Variants in FGFR1 observed in about 807,000 individuals in gnomAD.
FGFR1 encodes fibroblast growth factor receptor 1, also known as FGFR1/PLAG1 fusion.
In FGFR1, 18 loss-of-function variants were observed where a neutral mutation model predicts 93.7. The observed-to-expected ratio is 0.19, with a 90% CI of 0.13 to 0.28. The LOEUF (loss-of-function observed/expected upper bound fraction) is 0.28, where lower values mean the gene tolerates loss of function less well. FGFR1 is among the 10% of genes least tolerant of loss of function. The probability of loss-of-function intolerance (pLI) is 1.00; values close to 1 mark genes in which losing one functional copy is unlikely to be tolerated. For synonymous variants in FGFR1, 448 were observed against 429.3 expected (o/e 1.04, Z -0.54); for missense variants, 731 against 1,080.4 (o/e 0.68, Z 4.53).
At chr8:38,454,971 T>C (rs1301065468) in intron 2 of FGFR1, among the ~76,000 whole-genome samples, 2 of 144,450 alleles carry the variant, frequency 1.4e-5, no homozygotes, top group Non-Finnish European at 3.0e-5. Flanking sequence ...TTTCTTTTCT[T>C]GCTTTTTTTT....
At chr8:38,461,697 G>T (rs908215621) in intron 1 of FGFR1, among the ~76,000 whole-genome samples, 1 of 152,072 alleles carries the variant, frequency 6.6e-6, no homozygotes, top group Non-Finnish European at 1.5e-5. Context: ...TCACTTAACC[G>T]TTCTAAGCCT....
intron 2 of FGFR1, among the ~76,000 whole-genome samples, chr8:38,448,788 C>G (rs1830190354): frequency 6.6e-6 from 1 of 152,026 alleles, no homozygotes; most frequent in African/African-American, 2.4e-5. Flanking sequence ...AAACCTGTCT[C>G]TACAAAAAAT....
At chr8:38,465,759 G>A (rs1455370156) in intron 1 of FGFR1, 1 of 218,386 alleles carries the variant, frequency 4.6e-6, no homozygotes, top group African/African-American at 2.2e-5. Flanking sequence ...GCCTCAGGGA[G>A]GAAACCGGGA....
chr8:38,448,729 T>C (rs949238440), intron 2 of FGFR1, among the ~76,000 whole-genome samples: 11 of 149,992 alleles, frequency 7.3e-5, no homozygotes, highest in Non-Finnish European at 1.0e-4. Flanking sequence ...CTGAGGCGGG[T>C]GGATCACTTG....
chr8:38,461,297 A>C (rs1834345886), intron 1 of FGFR1: 1 of 606,554 alleles, frequency 1.6e-6, no homozygotes, highest in Admixed American at 3.0e-5. Context: ...CTTGTCCAAA[A>C]ATTATGTAAG....
At chr8:38,436,861 C>T (rs939674285) in intron 2 of FGFR1, among the ~76,000 whole-genome samples, 1 of 152,226 alleles carries the variant, frequency 6.6e-6, no homozygotes, top group Non-Finnish European at 1.5e-5. Flanking sequence ...CAGGCTTGTA[C>T]TTCCAACAAG....
intron 2 of FGFR1, among the ~76,000 whole-genome samples, chr8:38,436,919 CCA>C (rs1489626173): frequency 1.3e-5 from 2 of 152,272 alleles, no homozygotes; most frequent in East Asian, 3.9e-4. Flanking sequence ...CAAAAATCTC[CCA>C]CAGTCATTTA....
chr8:38,417,201 C>G, intron 12 of FGFR1, 105 bp downstream of exon 12: 2 of 903,144 alleles, frequency 2.2e-6, no homozygotes, highest in Non-Finnish European at 3.7e-6. Context: ...AGCAGCCTCT[C>G]TTAACCCCCT....
chr8:38,444,556 A>ATTTTTTTTTTTTT (rs562700623), intron 2 of FGFR1, among the ~76,000 whole-genome samples: 1 of 129,206 alleles, frequency 7.7e-6, no homozygotes, highest in Non-Finnish European at 1.6e-5. Context: ...GCGTGGCTAA[A>ATTTTTTTTTTTTT]TTTTTTTTTT....
In FGFR1 at chr8:38,417,392, G is replaced by A. The variant is rs2150629924; in HGVS notation, c.1577C>T (p.Ser526Leu). The part of the protein sequence containing the change: ...LKSDATEKDL[S>L]DLISEMEMMK... ...CATCTCCATTTCTGAGATCAGGTCT[G>A]ACAAGTCTTTCTCTGTTGCGTCCGC... The change falls in exon 12 of 18, where the codon TCA becomes TTA. Residue 526 changes from serine (S) to leucine (L), a missense_variant. Ser to Leu is a moderately radical substitution (Grantham distance 145). Around this residue, in one of 10 missense-constraint regions of FGFR1, gnomAD observed 62 missense variants for 99.5 expected, o/e 0.62. Transcript: ENST00000447712. The A allele has an allele frequency of 6.2e-7, 1 of 1,614,026 alleles. No individual in the cohort carries two copies. The highest frequency in any genetic ancestry group is 8.5e-7 in the Non-Finnish European group (1 of 1,180,032).
At position 38,424,901 on chromosome 8, in the gene FGFR1, C is replaced by T. The variant is rs1193663350; in HGVS notation, c.746-202G>A. 2.0e-5 allele frequency among the ~76,000 whole-genome samples: 3 copies of T among 152,208 alleles called. No individual in the cohort carries two copies. The highest frequency in any genetic ancestry group is 4.8e-5 in the African/African-American group (2 of 41,434). Reference sequence around the variant, plus strand: ...CCCTAAGCCATCAGGATCCTCCTCCCCAAGGCAGTCATCATATTTACAGTC... The same window carrying T: ...CCCTAAGCCATCAGGATCCTCCTCCTCAAGGCAGTCATCATATTTACAGTC... On this transcript the variant is annotated intron_variant, in intron 6 of 17. Transcript: ENST00000447712. The surrounding 1 kb of genome is among the most constrained non-coding windows in gnomAD (Gnocchi z 4.3).
At chr8:38,440,120 T>C (rs1053151805) in intron 2 of FGFR1, among the ~76,000 whole-genome samples, 1 of 151,922 alleles carries the variant, frequency 6.6e-6, no homozygotes, top group South Asian at 2.1e-4. Context: ...GGTCCAGGAA[T>C]GTTTACAGTC....
chr8:38,463,949 T>C lies in FGFR1; in HGVS notation c.-89+4032A>G, dbSNP rs532692048. Among the ~76,000 whole-genome samples the C allele has an allele frequency of 2.0e-5, 3 of 152,202 alleles. No individual in the cohort carries two copies. In the East Asian group the frequency reaches 5.8e-4, roughly 29 times the overall value. On this transcript the variant is annotated intron_variant, in intron 1 of 17. Transcript: ENST00000447712. ...TAAATTTTAGTTGGTCCAATGGAAATGCTAATTTTTTGAGTCTCTTTAAAA... is the reference window on the plus strand; with the variant it reads ...TAAATTTTAGTTGGTCCAATGGAAACGCTAATTTTTTGAGTCTCTTTAAAA...
chr8:38,465,634 T>A, intron 1 of FGFR1: 1 of 223,706 alleles, frequency 4.5e-6, no homozygotes, highest in South Asian at 1.8e-4. Context: ...CGGCCGGCAA[T>A]AGCAGAGGCT....
chr8:38,467,701 C>G (rs972470204), intron 1 of FGFR1: 1 of 233,560 alleles, frequency 4.3e-6, no homozygotes, highest in Non-Finnish European at 8.5e-6. Context: ...CGCCAGCTCC[C>G]GAGCGCGAGT....
intron 6 of FGFR1, chr8:38,425,867 A>G: frequency 5.5e-6 from 3 of 543,462 alleles, no homozygotes. Flanking sequence ...CTCCTTCAGG[A>G]CAGACTCTGA....
At chr8:38,458,549 T>TA (rs1390095059) in intron 1 of FGFR1, among the ~76,000 whole-genome samples, 12 of 150,258 alleles carry the variant, frequency 8.0e-5, no homozygotes, top group African/African-American at 2.0e-4. Context: ...TCAAAAAATT[T>TA]AAAAAAAAAA....
chr8:38,460,603 G>A (rs1834158712), intron 1 of FGFR1, among the ~76,000 whole-genome samples: 1 of 152,078 alleles, frequency 6.6e-6, no homozygotes, highest in Admixed American at 6.5e-5. Flanking sequence ...CTTCCCTCTT[G>A]TTCTTTCCCA....
At chr8:38,463,997 T>C (rs1259500630) in intron 1 of FGFR1, among the ~76,000 whole-genome samples, 1 of 151,658 alleles carries the variant, frequency 6.6e-6, no homozygotes, top group East Asian at 1.9e-4. Context: ...TAAATGTCCT[T>C]GGAAGTAAGA....
Sources: gnomAD v4.1 joint callset for allele counts (sites outside exome capture counted in the v4.1 genomes callset) on GRCh38, gnomAD v4.1.1 for gene constraint, gnomAD v4.1.1 regional missense constraint, Gnocchi (gnomAD v3.1) non-coding constraint, MANE v1.5 for transcripts, NCBI Gene and HGNC (gene_info 2026-07-23, HGNC 2026-07-21) for gene names.